SIAH2: variants seen among roughly 807,000 people sequenced by gnomAD.
SIAH2 encodes the protein E3 ubiquitin-protein ligase SIAH2.
In SIAH2, 4 loss-of-function variants were observed where a neutral mutation model predicts 20.4. The observed-to-expected ratio is 0.20, with a 90% CI of 0.10 to 0.45. SIAH2 has a LOEUF of 0.45. SIAH2 is among the 20% of genes least tolerant of loss of function. The pLI, the probability that SIAH2 is intolerant of heterozygous loss-of-function variation, is 0.99. For synonymous variants in SIAH2, 171 were observed against 192.5 expected, an observed-to-expected ratio of 0.89 and a Z score of 0.93; for missense variants, 259 against 440.3, an observed-to-expected ratio of 0.59 and a Z score of 3.69.
intron 1 of SIAH2, among the ~76,000 whole-genome samples, chr3:150,753,916 G>C (rs1714425535): frequency 7.0e-6 from 1 of 141,870 alleles, no homozygotes; most frequent in Non-Finnish European, 1.5e-5. Context: ...TTTGGTTATA[G>C]CAGTGCTTTA....
rs1471959670 is a variant in SIAH2 at position 150,742,506 on chromosome 3, C to T, written c.610G>A (p.Val204Ile). The change falls in exon 2 of 2, where the codon GTC (valine) becomes ATC (isoleucine). Residue 204 changes from valine to isoleucine, a missense_variant. Physicochemically the swap from Val to Ile is conservative, Grantham distance 29. This residue lies in a region of SIAH2 where 160 missense variants were observed against 327.6 expected (regional missense o/e 0.49). Coordinates refer to ENST00000312960, the MANE Select transcript of SIAH2 (RefSeq NM_005067.7). The surrounding 1 kb of genome is among the most constrained non-coding windows in gnomAD (Gnocchi z 4.8). ...SITTLQGEDI[V>I]FLATDINLPG... ...AAGTTAATGTCTGTAGCTAGAAAGA[C>T]GATGTCTTCTCCCTGAAGGGTGGTA... The T allele has an allele frequency of 6.2e-6, 10 of 1,614,018 alleles. No homozygotes were observed. Among genetic ancestry groups the T allele is most frequent in the African/African-American group, 2.7e-5 (2 of 74,922 alleles).
intron 1 of SIAH2, among the ~76,000 whole-genome samples, chr3:150,756,976 A>T (rs990195381): frequency 2.0e-5 from 3 of 152,142 alleles, no homozygotes; most frequent in African/African-American, 4.8e-5. Flanking sequence ...TTTTTGGCTA[A>T]TCGGCTTGTG....
rs114943905 is a variant in SIAH2 at position 150,754,561 on chromosome 3, C to T, written c.417+7872G>A. On this transcript the variant is annotated intron_variant, in intron 1 of 1. Transcript: ENST00000312960. ...AGACCCAAACCATATCACCATCTCA[C>T]TTGTTTTGTTTTTGTTTTTGTTTTT... is the stretch of plus-strand genomic sequence containing the variant. Among the ~76,000 whole-genome samples, 1,046 of 152,118 alleles carry T rather than the reference C, an allele frequency of 6.9e-3. 23 individuals carry two copies. In the South Asian group the frequency reaches 0.073, roughly 11 times the overall value.
At position 150,763,036 on chromosome 3, in the gene SIAH2, C is replaced by A; in HGVS notation, c.-187G>T. On this transcript the variant is annotated 5_prime_UTR_variant, in exon 1 of 2. Transcript: ENST00000312960. The surrounding 1 kb of genome is among the most constrained non-coding windows in gnomAD (Gnocchi z 4.1). ...TGGACCGCGCTGATGCACTCCGCAG[C>A]CCCCGGCGTTCCGAGCACGCCTCCG... 1.9e-6 allele frequency: 1 copy of A among 523,538 alleles called. No individual in the cohort carries two copies. The highest frequency in any genetic ancestry group is 2.5e-6 in the Non-Finnish European group (1 of 393,994). The allele number at this position is 523,538 out of a possible 1,614,324, so 32.4% of individuals were successfully genotyped here.
Position 150,762,943 on chromosome 3 carries a change from A to T in SIAH2, c.-94T>A. Reference sequence around the variant, plus strand: ...CGCGCCCCGCGGGCAGCGAGCTCCGAGGCAACGCCACGGCGCCCAGCCCAG... The same window carrying T: ...CGCGCCCCGCGGGCAGCGAGCTCCGTGGCAACGCCACGGCGCCCAGCCCAG... On this transcript the variant is annotated 5_prime_UTR_variant, in exon 1 of 2. Transcript: ENST00000312960. The surrounding 1 kb of genome is among the most constrained non-coding windows in gnomAD (Gnocchi z 6.6). 4.5e-6 allele frequency: 5 copies of T among 1,103,876 alleles called. No individual in the cohort carries two copies. The highest frequency in any genetic ancestry group is 5.6e-6 in the Non-Finnish European group (5 of 899,508). The allele number at this position is 1,103,876 out of a possible 1,614,324, so 68.4% of individuals were successfully genotyped here. A position where few individuals can be genotyped will look rare whatever the true frequency, so the allele number is the denominator to read the frequency against.
intron 1 of SIAH2, among the ~76,000 whole-genome samples, chr3:150,756,469 T>C (rs1036999298): frequency 2.0e-5 from 3 of 152,244 alleles, no homozygotes; most frequent in Admixed American, 1.3e-4. Flanking sequence ...ACTATATTCA[T>C]GTATACAGTA....
At chr3:150,753,624 T>C (rs1425335480) in intron 1 of SIAH2, among the ~76,000 whole-genome samples, 1 of 152,092 alleles carries the variant, frequency 6.6e-6, no homozygotes, top group Non-Finnish European at 1.5e-5. Flanking sequence ...TGAAACCCTG[T>C]TCCTACAAAA....
chr3:150,752,715 A>G (rs1463760521), intron 1 of SIAH2, among the ~76,000 whole-genome samples: 1 of 152,182 alleles, frequency 6.6e-6, no homozygotes, highest in African/African-American at 2.4e-5. Context: ...TTTGTTGTTT[A>G]TCTGAAATTC....
At chr3:150,758,470 T>C (rs76543837) in intron 1 of SIAH2, among the ~76,000 whole-genome samples, 5,882 of 151,860 alleles carry the variant, frequency 0.039, 328 homozygotes, top group African/African-American at 0.12. Flanking sequence ...AGTTTAAGTC[T>C]GGGCACAGGA....
chr3:150,751,445 G>T (rs1159410470), intron 1 of SIAH2, among the ~76,000 whole-genome samples: 5 of 151,832 alleles, frequency 3.3e-5, no homozygotes, highest in Non-Finnish European at 7.4e-5. Context: ...AAAAGAGAGA[G>T]ATATCATCAA....
chr3:150,762,990 G>A lies in SIAH2; in HGVS notation c.-141C>T. The stretch of plus-strand genomic sequence containing the variant: ...CCAGGTCCGGGCGGCGGAGACGCTC[G>A]GCGCCCGGCAGGCGGAGGGCTGGAC... On this transcript the variant is annotated 5_prime_UTR_variant, in exon 1 of 2. Coordinates refer to ENST00000312960, the MANE Select transcript of SIAH2 (RefSeq NM_005067.7). This position sits in a 1 kb window ranked among gnomAD's most constrained non-coding sequence, Gnocchi z 6.6. 1.0e-6 allele frequency: 1 copy of A among 981,856 alleles called. No homozygotes were observed. The highest frequency in any genetic ancestry group is 1.2e-6 in the Non-Finnish European group (1 of 800,570). The allele number at this position is 981,856 out of a possible 1,614,324, so 60.8% of individuals were successfully genotyped here.
rs1714100309 is a variant in SIAH2, at chr3:150,742,146, GACA to G, written c.967_969del (p.Cys323del). 2 of 1,606,870 alleles carry G rather than the reference GACA, an allele frequency of 1.2e-6. No individual in the cohort carries two copies. Among genetic ancestry groups the G allele is most frequent in the Non-Finnish European group, 1.7e-6 (2 of 1,174,548 alleles). On this transcript the variant is annotated inframe_deletion, in exon 2 of 2. Transcript: ENST00000312960. The surrounding 1 kb of genome is among the most constrained non-coding windows in gnomAD (Gnocchi z 4.8). ...GAAGGTTTACGAAAGTCACATCATG[GACA>G]ACATGTAGAAATAGTAACATTGATT...
chr3:150,762,805 G>A lies in SIAH2; in HGVS notation c.45C>T (p.Cys15=). The part of the protein sequence containing the change: ...SSTGPSANKP[C]SKQPPPQPQH... ...GGGGCTGCGGCGGCGGCTGCTTGCT[G>A]CAGGGTTTATTAGCGCTGGGGCCGG... Residue 15 remains cysteine (C), a synonymous_variant, in exon 1 of 2, where the codon TGC becomes TGT. Transcript: ENST00000312960. This position sits in a 1 kb window ranked among gnomAD's most constrained non-coding sequence, Gnocchi z 6.6. 8.1e-7 allele frequency: 1 copy of A among 1,227,988 alleles called. No homozygotes were observed. The highest frequency in any genetic ancestry group is 1.0e-6 in the Non-Finnish European group (1 of 972,088). 76.1% of individuals were successfully genotyped at this position (1,227,988 alleles called of 1,614,324 possible).
chr3:150,762,270 A>T lies in SIAH2; in HGVS notation c.417+163T>A, dbSNP rs1444197. 73,992 of 1,381,776 alleles carry T rather than the reference A, an allele frequency of 0.054. 6,639 individuals are homozygous for T. The highest frequency in any genetic ancestry group is 0.38 in the East Asian group (15,219 of 39,602). The allele number at this position is 1,381,776 out of a possible 1,614,324, so 85.6% of individuals were successfully genotyped here. On this transcript the variant is annotated intron_variant, in intron 1 of 1. Coordinates refer to ENST00000312960, the MANE Select transcript of SIAH2 (RefSeq NM_005067.7). This position sits in a 1 kb window ranked among gnomAD's most constrained non-coding sequence, Gnocchi z 6.6. ...TCGGTAAATGTCAACCCAGACCTAC[A>T]CCCAAAGTGGGCTTGAGGGAGGGTG...
At chr3:150,761,156 C>G (rs1367740507) in intron 1 of SIAH2, among the ~76,000 whole-genome samples, 1 of 152,186 alleles carries the variant, frequency 6.6e-6, no homozygotes, top group Non-Finnish European at 1.5e-5. Flanking sequence ...AAATAAGCAG[C>G]ACCAAGGAGA....
intron 1 of SIAH2, among the ~76,000 whole-genome samples, chr3:150,755,457 A>C (rs1331364790): frequency 6.7e-6 from 1 of 149,146 alleles, no homozygotes; most frequent in Non-Finnish European, 1.5e-5. Context: ...CAGCCCTCTG[A>C]GTAGCTGGGA....
intron 1 of SIAH2, among the ~76,000 whole-genome samples, chr3:150,752,977 C>G (rs1024250666): frequency 3.3e-5 from 5 of 152,208 alleles, no homozygotes; most frequent in African/African-American, 1.2e-4. Flanking sequence ...CTAGCTCGGG[C>G]CATCTATAAG....
chr3:150,754,880 C>A (rs1459228966), intron 1 of SIAH2, among the ~76,000 whole-genome samples: 1 of 152,186 alleles, frequency 6.6e-6, no homozygotes, highest in East Asian at 1.9e-4. Context: ...CCAACTTACA[C>A]AGCTCTATGA....
intron 1 of SIAH2, among the ~76,000 whole-genome samples, chr3:150,753,950 G>C (rs2116684): frequency 0.1 from 15,634 of 152,106 alleles, 1,609 homozygotes; most frequent in East Asian, 0.34. Context: ...AGTAAGAAAA[G>C]AGAATTTAAA....
Sources: gnomAD v4.1 joint callset for allele counts (sites outside exome capture counted in the v4.1 genomes callset) on GRCh38, gnomAD v4.1.1 for gene constraint, gnomAD v4.1.1 regional missense constraint, Gnocchi (gnomAD v3.1) non-coding constraint, MANE v1.5 for transcripts, NCBI Gene and HGNC (gene_info 2026-07-23, HGNC 2026-07-21) for gene names.